The following PDE1A variants were observed in gnomAD, a reference collection of about 807,000 sequenced individuals.
PDE1A encodes the protein phosphodiesterase 1A.
PDE1A carries 35 observed loss-of-function variants against 61.7 expected under a neutral mutation model. The ratio of observed to expected loss-of-function variants is 0.57; its 90% CI spans 0.43 to 0.75. PDE1A has a LOEUF of 0.75. Ranked by LOEUF, PDE1A falls within the 30% of genes least tolerant of loss-of-function variation. PDE1A has a pLI of 0.00. For missense variants in PDE1A, 597 were observed against 630.6 expected (o/e 0.95, Z 0.57); for synonymous variants, 232 against 213.2 (o/e 1.09, Z -0.77).
chr2:182,468,814 G>A (rs1004899521), intron 2 of PDE1A, among the ~76,000 whole-genome samples: 1 of 152,012 alleles, frequency 6.6e-6, no homozygotes, highest in Admixed American at 6.6e-5. Flanking sequence ...GATGTTGTAT[G>A]AGCAGGCATG....
At chr2:182,617,674 G>C in the PDE1A span, among the ~76,000 whole-genome samples, 60,634 of 152,052 alleles carry the variant, frequency 0.4, 13,558 homozygotes, top group East Asian at 0.58. Flanking sequence ...CACAACAACT[G>C]CCATTCTGGA....
At chr2:182,336,960 C>CT (rs71008221) in intron 1 of PDE1A, among the ~76,000 whole-genome samples, 9,547 of 146,058 alleles carry the variant, frequency 0.065, 815 homozygotes, top group African/African-American at 0.2. Flanking sequence ...ACATGTATCC[C>CT]TTTTTTTTTT....
At chr2:182,572,442 AC>A in the PDE1A span, among the ~76,000 whole-genome samples, 1 of 152,196 alleles carries the variant, frequency 6.6e-6, no homozygotes, top group African/African-American at 2.4e-5. Context: ...CAAGTTTGTT[AC>A]CTTAAATCAC....
At chr2:182,405,633 G>T (rs963105429) in intron 1 of PDE1A, among the ~76,000 whole-genome samples, 1 of 152,144 alleles carries the variant, frequency 6.6e-6, no homozygotes, top group Non-Finnish European at 1.5e-5. Flanking sequence ...GGTGAAGGGG[G>T]CTGCTGGAAA....
intron 3 of PDE1A, among the ~76,000 whole-genome samples, chr2:182,236,742 T>C (rs994621296): frequency 1.3e-5 from 2 of 152,230 alleles, no homozygotes; most frequent in African/African-American, 4.8e-5. Flanking sequence ...CAAAATCTTA[T>C]GTCTTTAGAG....
At chr2:182,326,411 G>A (rs544535461) in intron 1 of PDE1A, among the ~76,000 whole-genome samples, 1 of 152,252 alleles carries the variant, frequency 6.6e-6, no homozygotes, top group South Asian at 2.1e-4. Flanking sequence ...TCTGGTATAT[G>A]TTACAACATA....
intron 1 of PDE1A, among the ~76,000 whole-genome samples, chr2:182,301,419 T>C (rs1486210846): frequency 2.0e-5 from 3 of 152,180 alleles, no homozygotes; most frequent in African/African-American, 2.4e-5. Context: ...AGTGCCCTTT[T>C]ATTATCTCTC....
downstream of PDE1A, chr2:182,167,829 A>AT (rs5836826): frequency 2.5e-3 from 1,764 of 703,408 alleles, no homozygotes; most frequent in Non-Finnish European, 2.7e-3. Flanking sequence ...GTAAAAGATA[A>AT]TTTTTTTTTT....
the PDE1A span, among the ~76,000 whole-genome samples, chr2:182,685,537 C>T: frequency 6.6e-6 from 1 of 152,044 alleles, no homozygotes; most frequent in Non-Finnish European, 1.5e-5. Context: ...GTTATTTAAC[C>T]TCTCTAAAAT....
the PDE1A span, among the ~76,000 whole-genome samples, chr2:182,582,786 G>T: frequency 6.6e-6 from 1 of 152,174 alleles, no homozygotes; most frequent in African/African-American, 2.4e-5. Flanking sequence ...AGAGCCTATG[G>T]GACTTGGAAA....
At chr2:182,204,642 T>C (rs1465568778) in intron 8 of PDE1A, among the ~76,000 whole-genome samples, 1 of 152,272 alleles carries the variant, frequency 6.6e-6, no homozygotes, top group Admixed American at 6.5e-5. Context: ...GTAGTAATAT[T>C]GTATGTAATA....
At chr2:182,671,659 G>T in the PDE1A span, among the ~76,000 whole-genome samples, 26 of 127,874 alleles carry the variant, frequency 2.0e-4, no homozygotes, top group Non-Finnish European at 6.4e-5. Context: ...TCGCTCTGTC[G>T]CCCAGGCTGC....
chr2:182,194,654 C>T (rs3769788), intron 10 of PDE1A, among the ~76,000 whole-genome samples: 112,348 of 151,866 alleles, frequency 0.74, 41,829 homozygotes, highest in East Asian at 0.91. Context: ...TAGTTTCTCA[C>T]GGCTTTAGAG....
At chr2:182,616,992 G>A in the PDE1A span, among the ~76,000 whole-genome samples, 1 of 152,162 alleles carries the variant, frequency 6.6e-6, no homozygotes, top group African/African-American at 2.4e-5. Context: ...TAAAAGTTTT[G>A]TGGTGTGTGA....
At chr2:182,616,469 C>T in the PDE1A span, among the ~76,000 whole-genome samples, 2 of 152,212 alleles carry the variant, frequency 1.3e-5, no homozygotes. Context: ...TCCAGAAAAT[C>T]AACCTAGCAA....
chr2:182,228,457 G>T (rs959947842), intron 6 of PDE1A, among the ~76,000 whole-genome samples: 1 of 152,074 alleles, frequency 6.6e-6, no homozygotes, highest in Admixed American at 6.6e-5. Flanking sequence ...AAAGTAGATG[G>T]CCCAGTCTTC....
chr2:182,637,831 G>T, the PDE1A span, among the ~76,000 whole-genome samples: 1 of 152,238 alleles, frequency 6.6e-6, no homozygotes, highest in South Asian at 2.1e-4. Context: ...TGAGGCAGGA[G>T]AATCACTTGA....
the PDE1A span, among the ~76,000 whole-genome samples, chr2:182,708,270 C>T: frequency 3.3e-5 from 5 of 151,978 alleles, no homozygotes; most frequent in East Asian, 1.9e-4. Context: ...TCCCACAACA[C>T]GTGGGAATTT....
At chr2:182,321,903 G>T (rs776001319) in intron 1 of PDE1A, among the ~76,000 whole-genome samples, 1 of 152,058 alleles carries the variant, frequency 6.6e-6, no homozygotes, top group East Asian at 1.9e-4. Context: ...AAACCACCAG[G>T]CTAGATATTA....
Sources: gnomAD v4.1 joint callset for allele counts (sites outside exome capture counted in the v4.1 genomes callset) on GRCh38, gnomAD v4.1.1 for gene constraint, MANE v1.5 for transcripts, NCBI Gene and HGNC (gene_info 2026-07-23, HGNC 2026-07-21) for gene names.